Variants in C20orf96 observed in about 807,000 individuals in gnomAD.
C20orf96 encodes chromosome 20 open reading frame 96.
Under a neutral mutation model 52.6 loss-of-function variants are expected in C20orf96, and 57 were observed. The ratio of observed to expected loss-of-function variants is 1.08; its 90% CI spans 0.88 to 1.35. The LOEUF (loss-of-function observed/expected upper bound fraction) is 1.35. Among genes scored for constraint, C20orf96 ranks in the 40% most tolerant of loss-of-function variants. The pLI, the probability that C20orf96 is intolerant of heterozygous loss-of-function variation, is 0.00. For missense variants in C20orf96, 478 were observed against 443.6 expected (o/e 1.08, Z -0.70); for synonymous variants, 168 against 157.2 (o/e 1.07, Z -0.51).
intron 3 of C20orf96, among the ~76,000 whole-genome samples, chr20:286,634 G>C (rs1260575691): frequency 6.6e-6 from 1 of 152,094 alleles, no homozygotes; most frequent in African/African-American, 2.4e-5. Context: ...AAAGGAAACA[G>C]AGGTAGTCTA....
intron 10 of C20orf96, among the ~76,000 whole-genome samples, chr20:271,527 T>C (rs987234662): frequency 6.6e-6 from 1 of 151,732 alleles, no homozygotes. Context: ...GCAGGACAAA[T>C]GTTCCCCTGA....
At chr20:290,412 T>C (rs779165676) in intron 1 of C20orf96, 105 bp from the exon 2 acceptor site, 103 of 1,557,264 alleles carry the variant, frequency 6.6e-5, no homozygotes, top group African/African-American at 2.7e-5. Flanking sequence ...AACTGCAGTT[T>C]ACCGGGGACA....
At chr20:284,885 T>C (rs1360775753) in intron 3 of C20orf96, among the ~76,000 whole-genome samples, 1 of 152,090 alleles carries the variant, frequency 6.6e-6, no homozygotes, top group Admixed American at 6.6e-5. Flanking sequence ...AATAAATTTT[T>C]AAAAATTCCA....
At chr20:279,655 TC>T (rs2012197622) in intron 4 of C20orf96, among the ~76,000 whole-genome samples, 2 of 152,090 alleles carry the variant, frequency 1.3e-5, no homozygotes, top group South Asian at 4.1e-4. Context: ...ATCAATGGCT[TC>T]TCAGAATCAA....
At chr20:286,347 T>C (rs1052917544) in intron 3 of C20orf96, among the ~76,000 whole-genome samples, 6 of 151,730 alleles carry the variant, frequency 4.0e-5, no homozygotes, top group Admixed American at 2.0e-4. Flanking sequence ...TGAAACCCCA[T>C]CTCTACTAAA....
chr20:285,875 G>C (rs1313785644), intron 3 of C20orf96, among the ~76,000 whole-genome samples: 1 of 152,092 alleles, frequency 6.6e-6, no homozygotes, highest in African/African-American at 2.4e-5. Flanking sequence ...CGCCCGGCCA[G>C]ATTACCCATA....
intron 1 of C20orf96, 108 bp from the exon 2 acceptor site, chr20:290,415 C>G: frequency 1.3e-6 from 2 of 1,555,044 alleles, no homozygotes; most frequent in Non-Finnish European, 1.7e-6. Context: ...TGCAGTTTAC[C>G]GGGGACAATA....
At chr20:279,375 C>G (rs763530281) in intron 4 of C20orf96, 45 bp from the exon 5 acceptor site, 4 of 1,571,282 alleles carry the variant, frequency 2.5e-6, no homozygotes, top group East Asian at 2.4e-5. Context: ...GCGCCCTGCC[C>G]GGCCTGAGCC....
At chr20:273,894 AAAGGAAGG>A (rs1278514769) in intron 10 of C20orf96, among the ~76,000 whole-genome samples, 3 of 72,490 alleles carry the variant, frequency 4.1e-5, no homozygotes, top group East Asian at 4.0e-4. Flanking sequence ...AGGAAGGAAG[AAAGGAAGG>A]AAGGGAGGGA....
intron 10 of C20orf96, among the ~76,000 whole-genome samples, chr20:274,095 A>T (rs114416677): frequency 0.027 from 4,056 of 152,098 alleles, 186 homozygotes; most frequent in African/African-American, 0.093. Context: ...CCCCACTGAG[A>T]CCTACTGACT....
intron 4 of C20orf96, among the ~76,000 whole-genome samples, chr20:280,020 G>GCGAC (rs2012211004): frequency 6.6e-6 from 1 of 152,052 alleles, no homozygotes; most frequent in East Asian, 1.9e-4. Context: ...AGGTGGCAGA[G>GCGAC]CGACCGCCAT....
intron 4 of C20orf96, among the ~76,000 whole-genome samples, chr20:281,718 C>A (rs963798633): frequency 6.6e-6 from 1 of 152,176 alleles, no homozygotes; most frequent in Admixed American, 6.5e-5. Flanking sequence ...GTGGTTCACA[C>A]CTGTAATCCC....
rs750461479 is a variant in C20orf96, at chr20:290,563, A to ATTTTTTT, written c.20+21_20+27dup. The ATTTTTTT allele has an allele frequency of 4.0e-4, 530 of 1,308,654 alleles. 1 individual carries two copies. The African/African-American group carries it at 8.1e-3, about 20-fold the overall frequency. The allele number at this position is 1,308,654 out of a possible 1,614,324, so 81.1% of individuals were successfully genotyped here. On this transcript the variant is annotated intron_variant, in intron 1 of 10. Coordinates refer to ENST00000360321, the MANE Select transcript of C20orf96 (RefSeq NM_153269.3). ...GCATGCGTATTCCGCCTTTCTTCCA[A>ATTTTTTT]TTTTTTTTTTTTTTTTTTTTTACCT...
Position 289,563 on chromosome 20 carries a change from T to A in C20orf96, c.183A>T (p.Gln61His). The change falls in exon 3 of 11, where the codon CAA becomes CAT. Residue 61 changes from glutamine to histidine, a missense_variant. By Grantham distance (24) the Gln-to-His change is conservative (BLOSUM62 0). Transcript: ENST00000360321. ...TSKMKTLTRV[Q>H]PVFHFKPTTV... ...CTCCCAGGTGCCTCCGCCCACCTGG[T>A]TGGACCCTAGTCAAAGTCTTCATTT... 6.2e-7 allele frequency: 1 copy of A among 1,612,902 alleles called. No individual in the cohort carries two copies. Among genetic ancestry groups the A allele is most frequent in the Non-Finnish European group, 8.5e-7 (1 of 1,178,956 alleles).
intron 9 of C20orf96, chr20:276,570 G>A (rs2012030702): frequency 2.0e-6 from 2 of 985,376 alleles, no homozygotes; most frequent in Non-Finnish European, 2.4e-6. Context: ...TGGGTCATTA[G>A]CCAGCATTGC....
Position 277,342 on chromosome 20 carries a change from T to C in C20orf96, c.607A>G (p.Lys203Glu). The C allele has an allele frequency of 1.2e-6, 2 of 1,614,076 alleles. No homozygotes were observed. The highest frequency in any genetic ancestry group is 1.7e-6 in the Non-Finnish European group (2 of 1,180,026). ...AGGAAGTTCACTTCCTCCTGGGTCTTCTCAATCTTGGCATTCAGCTGCTCT... is the reference window on the plus strand; with the variant it reads ...AGGAAGTTCACTTCCTCCTGGGTCTCCTCAATCTTGGCATTCAGCTGCTCT... ...QAEQLNAKIE[K>E]TQEEVNFLST... The change falls in exon 7 of 11, where the codon AAG (lysine) becomes GAG (glutamate). Residue 203 changes from lysine to glutamate, a missense_variant. Coordinates refer to ENST00000360321, the MANE Select transcript of C20orf96 (RefSeq NM_153269.3).
intron 3 of C20orf96, 43 bp from the exon 4 acceptor site, chr20:284,124 G>A (rs553428108): frequency 1.6e-5 from 25 of 1,533,648 alleles, no homozygotes; most frequent in Middle Eastern, 3.6e-4. Flanking sequence ...TGAGGGTCCC[G>A]GAAGGCCTGA....
intron 2 of C20orf96, 46 bp from the exon 3 acceptor site, chr20:289,722 C>T (rs1207414888): frequency 4.1e-6 from 6 of 1,448,678 alleles, no homozygotes; most frequent in African/African-American, 1.4e-5. Flanking sequence ...GTTTATATCC[C>T]AGCTCTACCC....
At chr20:287,498 T>C (rs950544368) in intron 3 of C20orf96, among the ~76,000 whole-genome samples, 5 of 152,238 alleles carry the variant, frequency 3.3e-5, no homozygotes, top group Non-Finnish European at 7.3e-5. Context: ...CTTTTTCCCA[T>C]TGCCTAACTG....
Sources: gnomAD v4.1 joint callset for allele counts (sites outside exome capture counted in the v4.1 genomes callset) on GRCh38, gnomAD v4.1.1 for gene constraint, MANE v1.5 for transcripts, NCBI Gene and HGNC (gene_info 2026-07-23, HGNC 2026-07-21) for gene names.